Variants in GNA12 observed in about 807,000 individuals in gnomAD.
GNA12 encodes guanine nucleotide-binding protein subunit alpha-12.
In GNA12, 9 loss-of-function variants were observed where a neutral mutation model predicts 26.0. That is an observed-to-expected ratio of 0.35 (90% CI 0.21 to 0.60). The LOEUF (loss-of-function observed/expected upper bound fraction) is 0.60. Ranked by LOEUF, GNA12 falls within the 20% of genes least tolerant of loss-of-function variation. The pLI is 0.78. For missense variants in GNA12, 405 were observed against 525.8 expected, an observed-to-expected ratio of 0.77 and a Z score of 2.25; for synonymous variants, 264 against 219.6, an observed-to-expected ratio of 1.20 and a Z score of -1.79.
At chr7:2,784,803 C>G (rs1334718427) in intron 2 of GNA12, among the ~76,000 whole-genome samples, 1 of 152,114 alleles carries the variant, frequency 6.6e-6, no homozygotes, top group Non-Finnish European at 1.5e-5. Context: ...GCAATTTTCC[C>G]CAAATTTGTC....
chr7:2,776,872 C>A (rs528030645), intron 2 of GNA12, among the ~76,000 whole-genome samples: 3 of 152,230 alleles, frequency 2.0e-5, no homozygotes, highest in Non-Finnish European at 4.4e-5. Context: ...ATCACTTGAA[C>A]CTGAAAGTTC....
chr7:2,745,469 TGA>T (rs1562401456), intron 2 of GNA12, among the ~76,000 whole-genome samples: 2 of 152,188 alleles, frequency 1.3e-5, no homozygotes, highest in African/African-American at 2.4e-5. Flanking sequence ...AAGCAAATGC[TGA>T]GAGATTTTGT....
At chr7:2,833,097 A>T (rs1400268025) in intron 1 of GNA12, among the ~76,000 whole-genome samples, 1 of 152,212 alleles carries the variant, frequency 6.6e-6, no homozygotes, top group African/African-American at 2.4e-5. Flanking sequence ...TAGGATTAAA[A>T]GGCAATCCGG....
At chr7:2,808,244 G>A (rs558652341) in intron 1 of GNA12, among the ~76,000 whole-genome samples, 1 of 152,366 alleles carries the variant, frequency 6.6e-6, no homozygotes, top group Non-Finnish European at 1.5e-5. Context: ...ACCATCATGA[G>A]TAGTGCTACC....
At chr7:2,762,226 G>C (rs987016577) in intron 2 of GNA12, 2 of 182,158 alleles carry the variant, frequency 1.1e-5, no homozygotes, top group Admixed American at 6.2e-5. Flanking sequence ...TAAGGGCTTC[G>C]TGTTCTGCAC....
chr7:2,772,214 T>G (rs1791965657), intron 2 of GNA12, among the ~76,000 whole-genome samples: 1 of 152,314 alleles, frequency 6.6e-6, no homozygotes, highest in South Asian at 2.1e-4. Flanking sequence ...GGGCAAAAGA[T>G]TTGCACAAAC....
At chr7:2,737,274 G>GTTTTGTTTT (rs1790242698) in intron 2 of GNA12, among the ~76,000 whole-genome samples, 3 of 35,032 alleles carry the variant, frequency 8.6e-5, no homozygotes, top group African/African-American at 3.0e-4. Context: ...GTTTTGTTTT[G>GTTTTGTTTT]TTTTTTTTTT....
chr7:2,763,995 A>G (rs17802101), intron 2 of GNA12, among the ~76,000 whole-genome samples: 1,698 of 152,328 alleles, frequency 0.011, 15 homozygotes, highest in Non-Finnish European at 0.016. Context: ...GTACGCACCT[A>G]AAGTGAGGCT....
intron 2 of GNA12, chr7:2,762,916 C>T: frequency 7.1e-7 from 1 of 1,411,166 alleles, no homozygotes; most frequent in Non-Finnish European, 9.3e-7. Flanking sequence ...GAAGAGGCCA[C>T]AGGCGGGGAC....
chr7:2,778,697 G>A (rs753095740), intron 2 of GNA12, among the ~76,000 whole-genome samples: 1 of 152,214 alleles, frequency 6.6e-6, no homozygotes, highest in Non-Finnish European at 1.5e-5. Context: ...GCTAAGCATG[G>A]TGCTAGATGT....
rs183264910 is a variant in GNA12, at chr7:2,738,858, G to A, written c.526-5357C>T. Among the ~76,000 whole-genome samples the A allele has an allele frequency of 1.8e-3, 274 of 152,276 alleles. 2 individuals carry two copies. Among genetic ancestry groups the A allele is most frequent in the African/African-American group, 6.2e-3 (256 of 41,572 alleles). Reference sequence around the variant, plus strand: ...TTGTTTGTTTTTTTGTTTTTTGCCAGAATGTGAAAGTACAGAGGAGCTGGC... The same window carrying A: ...TTGTTTGTTTTTTTGTTTTTTGCCAAAATGTGAAAGTACAGAGGAGCTGGC... On this transcript the variant is annotated intron_variant, in intron 2 of 3. Coordinates refer to ENST00000275364, the MANE Select transcript of GNA12 (RefSeq NM_007353.3).
chr7:2,813,446 G>A (rs1272229302), intron 1 of GNA12, among the ~76,000 whole-genome samples: 4 of 152,228 alleles, frequency 2.6e-5, no homozygotes, highest in East Asian at 1.9e-4. Context: ...GAAGTTCCCA[G>A]TCAGTGTAGC....
At chr7:2,743,253 G>C (rs1790599393) in intron 2 of GNA12, among the ~76,000 whole-genome samples, 1 of 152,178 alleles carries the variant, frequency 6.6e-6, no homozygotes, top group East Asian at 1.9e-4. Flanking sequence ...TGACCAAGTT[G>C]GCAGTTTGGG....
intron 2 of GNA12, among the ~76,000 whole-genome samples, chr7:2,754,497 C>G (rs1791195442): frequency 6.6e-6 from 1 of 151,866 alleles, no homozygotes. Context: ...AATCCCAGCA[C>G]TTTGGGAGGC....
At chr7:2,817,175 G>A (rs765564170) in intron 1 of GNA12, among the ~76,000 whole-genome samples, 5 of 152,192 alleles carry the variant, frequency 3.3e-5, no homozygotes, top group South Asian at 2.1e-4. Context: ...GCGCGACCTC[G>A]GCTCACCGCA....
chr7:2,796,427 G>C lies in GNA12; in HGVS notation c.310-1284C>G, dbSNP rs190658560. Among the ~76,000 whole-genome samples the C allele has an allele frequency of 2.7e-3, 410 of 152,216 alleles. 2 individuals carry two copies. Among genetic ancestry groups the C allele is most frequent in the African/African-American group, 9.3e-3 (385 of 41,488 alleles). ...CGTTGGCGGCTGGCTGTGGATAACG[G>C]GAGATGACTGTACTGCCAAGAGTAC... On this transcript the variant is annotated intron_variant, in intron 1 of 3. Coordinates refer to ENST00000275364, the MANE Select transcript of GNA12 (RefSeq NM_007353.3).
chr7:2,803,470 G>C (rs940872695), intron 1 of GNA12, among the ~76,000 whole-genome samples: 7 of 152,182 alleles, frequency 4.6e-5, no homozygotes, highest in East Asian at 1.9e-4. Context: ...CACCCCAAGT[G>C]CTCTCAATAA....
intron 1 of GNA12, chr7:2,814,530 A>T (rs1793168673): frequency 3.0e-6 from 2 of 674,358 alleles, no homozygotes; most frequent in African/African-American, 3.6e-5. Context: ...TTTCTTCTGC[A>T]CCCATGAAGT....
intron 2 of GNA12, among the ~76,000 whole-genome samples, chr7:2,750,360 T>A (rs1161660303): frequency 6.6e-6 from 1 of 152,200 alleles, no homozygotes; most frequent in Admixed American, 6.5e-5. Context: ...AGCCTGCAAC[T>A]GATAGGTTAT....
Sources: allele counts gnomAD v4.1 joint callset (sites outside exome capture counted in the v4.1 genomes callset), GRCh38; gene constraint gnomAD v4.1.1; transcripts MANE v1.5; gene names NCBI Gene and HGNC (gene_info 2026-07-23, HGNC 2026-07-21).